The following TRPC6 variants were observed in gnomAD, a reference collection of about 807,000 sequenced individuals.
TRPC6 encodes short transient receptor potential channel 6.
In TRPC6, 55 loss-of-function variants were observed where a neutral mutation model predicts 90.7. That is an observed-to-expected ratio of 0.61 (90% CI 0.49 to 0.76). The LOEUF is 0.76. TRPC6 is among the 30% of genes least tolerant of loss of function. The pLI is 0.00. For missense variants in TRPC6, 989 were observed against 1,122.7 expected, an observed-to-expected ratio of 0.88 and a Z score of 1.70; for synonymous variants, 393 against 393.0, an observed-to-expected ratio of 1.00 and a Z score of 0.00.
intron 1 of TRPC6, among the ~76,000 whole-genome samples, chr11:101,535,814 G>C (rs1861032466): frequency 6.6e-6 from 1 of 152,062 alleles, no homozygotes; most frequent in Admixed American, 6.6e-5. Context: ...CAGATTAATG[G>C]CTATAGAATG....
chr11:101,474,533 A>C (rs939964142), intron 6 of TRPC6, among the ~76,000 whole-genome samples: 4 of 152,184 alleles, frequency 2.6e-5, no homozygotes, highest in African/African-American at 7.2e-5. Flanking sequence ...GATAACAAGA[A>C]ACTAATAAAA....
At chr11:101,486,631 C>T (rs559490349) in intron 4 of TRPC6, among the ~76,000 whole-genome samples, 6 of 152,146 alleles carry the variant, frequency 3.9e-5, no homozygotes, top group South Asian at 2.1e-4. Context: ...AAAGGGATTT[C>T]GGAATGGGGA....
chr11:101,536,885 G>T (rs1861061819), intron 1 of TRPC6, among the ~76,000 whole-genome samples: 1 of 152,198 alleles, frequency 6.6e-6, no homozygotes, highest in South Asian at 2.1e-4. Context: ...GATGCAAGGA[G>T]ACCAGTTAGG....
At position 101,485,502 on chromosome 11, in the gene TRPC6, G is replaced by A. The variant is rs142481436; in HGVS notation, c.1294-2337C>T. On this transcript the variant is annotated intron_variant, in intron 4 of 12. Coordinates refer to ENST00000344327, the MANE Select transcript of TRPC6 (RefSeq NM_004621.6). The stretch of plus-strand genomic sequence containing the variant: ...GTTTTATGTATGATTTATTTTAACC[G>A]TGTATTAGAGCAAGTGAAAATGTAT... 5.4e-3 allele frequency among the ~76,000 whole-genome samples: 819 copies of A among 151,500 alleles called. 3 individuals carry two copies. The highest frequency in any genetic ancestry group is 0.019 in the African/African-American group (774 of 41,308).
chr11:101,478,403 G>A (rs988869459), intron 5 of TRPC6, among the ~76,000 whole-genome samples: 1 of 152,016 alleles, frequency 6.6e-6, no homozygotes, highest in Admixed American at 6.5e-5. Context: ...GAGGAGATGC[G>A]GATGGTTCAG....
chr11:101,560,991 T>A (rs2136865895), intron 1 of TRPC6, among the ~76,000 whole-genome samples: 1 of 152,310 alleles, frequency 6.6e-6, no homozygotes, highest in Non-Finnish European at 1.5e-5. Flanking sequence ...GCATTCCAGT[T>A]TAATACCATG....
chr11:101,478,402 C>T (rs1327276067), intron 5 of TRPC6, among the ~76,000 whole-genome samples: 3 of 152,038 alleles, frequency 2.0e-5, no homozygotes, highest in African/African-American at 2.4e-5. Context: ...CGAGGAGATG[C>T]GGATGGTTCA....
chr11:101,496,820 G>A (rs754329001), intron 2 of TRPC6, among the ~76,000 whole-genome samples: 15 of 152,168 alleles, frequency 9.9e-5, no homozygotes, highest in Non-Finnish European at 2.2e-4. Context: ...CTACAGTCCT[G>A]TGAGAATGAG....
chr11:101,499,654 C>T (rs1860046794), intron 2 of TRPC6, among the ~76,000 whole-genome samples: 1 of 124,500 alleles, frequency 8.0e-6, no homozygotes, highest in African/African-American at 3.1e-5. Flanking sequence ...TATATATATA[C>T]ACAATATAAA....
intron 1 of TRPC6, among the ~76,000 whole-genome samples, chr11:101,577,133 A>C (rs1565254160): frequency 6.6e-6 from 1 of 152,136 alleles, no homozygotes. Context: ...CCCCTGGAAG[A>C]GCAAGCTTCC....
chr11:101,583,033 A>G, intron 1 of TRPC6: 1 of 347,776 alleles, frequency 2.9e-6, no homozygotes, highest in Non-Finnish European at 4.0e-6. Context: ...GGTCTGGAGA[A>G]ATCGACCACC....
At chr11:101,533,516 T>C (rs750272878) in intron 1 of TRPC6, among the ~76,000 whole-genome samples, 2 of 152,076 alleles carry the variant, frequency 1.3e-5, no homozygotes, top group Non-Finnish European at 2.9e-5. Flanking sequence ...ACCTCTAGAA[T>C]TGGAGACAAC....
At chr11:101,524,125 T>C (rs1301093715) in intron 1 of TRPC6, among the ~76,000 whole-genome samples, 1 of 152,242 alleles carries the variant, frequency 6.6e-6, no homozygotes, top group Non-Finnish European at 1.5e-5. Flanking sequence ...CTCTCATTCA[T>C]TTTACTTTTT....
At chr11:101,572,830 G>A (rs937218120) in intron 1 of TRPC6, among the ~76,000 whole-genome samples, 1 of 152,106 alleles carries the variant, frequency 6.6e-6, no homozygotes, top group African/African-American at 2.4e-5. Flanking sequence ...GACACAGGCA[G>A]GGGAACTTCA....
Position 101,504,139 on chromosome 11 carries a change from T to C in TRPC6, c.830A>G (p.Tyr277Cys), listed in dbSNP as rs534941786. ...GTAAGCCGGACTTGCCAGGCCTTTATAGGCATTAATCCTAGATCTGGAGTG... is the reference window on the plus strand; with the variant it reads ...GTAAGCCGGACTTGCCAGGCCTTTACAGGCATTAATCCTAGATCTGGAGTG... ...FSHSRSRINA[Y>C]KGLASPAYLS... The change falls in exon 2 of 13, where the codon TAT (tyrosine) becomes TGT (cysteine). Residue 277 changes from tyrosine (Y) to cysteine (C), a missense_variant. By Grantham distance (194) the Tyr-to-Cys change is radical (BLOSUM62 -2). Coordinates refer to ENST00000344327, the MANE Select transcript of TRPC6 (RefSeq NM_004621.6). 2.5e-6 allele frequency: 4 copies of C among 1,614,044 alleles called. No individual in the cohort carries two copies. The highest frequency in any genetic ancestry group is 2.7e-5 in the African/African-American group (2 of 74,946).
rs201923280 is a variant in TRPC6 at position 101,452,773 on chromosome 11, T to C, written c.*182A>G. On this transcript the variant is annotated 3_prime_UTR_variant, in exon 13 of 13. Transcript: ENST00000344327. ...TCCTCATTATCTACAGCCTTTACCC[T>C]GAACAATGGAGTTTAATCACCAAAA... 1.5e-5 allele frequency: 10 copies of C among 646,364 alleles called. No homozygotes were observed. The highest frequency in any genetic ancestry group is 4.3e-4 in the Middle Eastern group (1 of 2,326). The allele number at this position is 646,364 out of a possible 1,614,324, so 40.0% of individuals were successfully genotyped here. A position where few individuals can be genotyped will look rare whatever the true frequency, so the allele number is the denominator to read the frequency against.
intron 2 of TRPC6, among the ~76,000 whole-genome samples, chr11:101,503,039 C>T (rs1298457461): frequency 2.0e-5 from 3 of 152,154 alleles, no homozygotes; most frequent in African/African-American, 7.2e-5. Context: ...TTCCAACCTG[C>T]ATTATTTAGT....
intron 4 of TRPC6, among the ~76,000 whole-genome samples, chr11:101,485,126 T>TACACACACACACACACACAC (rs10639907): frequency 2.1e-3 from 300 of 143,932 alleles, no homozygotes; most frequent in South Asian, 3.6e-3. Context: ...GGCCAAAGAA[T>TACACACACACACACACACAC]ACACACACAC....
At chr11:101,520,120 G>A (rs1860621224) in intron 1 of TRPC6, among the ~76,000 whole-genome samples, 1 of 152,082 alleles carries the variant, frequency 6.6e-6, no homozygotes. Context: ...GTAATCCCCA[G>A]TGTTGAGGAA....
Sources: gnomAD v4.1 joint callset for allele counts (sites outside exome capture counted in the v4.1 genomes callset) on GRCh38, gnomAD v4.1.1 for gene constraint, MANE v1.5 for transcripts, NCBI Gene and HGNC (gene_info 2026-07-23, HGNC 2026-07-21) for gene names.